The following ZAN variants were observed in gnomAD, a reference collection of about 807,000 sequenced individuals.
The protein encoded by ZAN is zonadhesin (gene/pseudogene).
ZAN carries 260 observed loss-of-function variants against 286.2 expected under a neutral mutation model. The observed-to-expected ratio is 0.91, with a 90% confidence interval of 0.82 to 1.01. ZAN has a LOEUF of 1.01. ZAN is among the 50% of genes least tolerant of loss of function. The pLI, the probability that ZAN is intolerant of heterozygous loss-of-function variation, is 0.00. For missense variants in ZAN, 3,410 were observed against 3,639.2 expected, an observed-to-expected ratio of 0.94 and a Z score of 1.62; for synonymous variants, 1,368 against 1,417.5, an observed-to-expected ratio of 0.97 and a Z score of 0.79.
chr7:100,773,649 C>A, intron 30 of ZAN, 72 bp from the exon 31 acceptor site: 2 of 1,560,228 alleles, frequency 1.3e-6, no homozygotes, highest in South Asian at 1.2e-5. Context: ...CTGCACCCAG[C>A]TTCAACTGGG....
intron 28 of ZAN, among the ~76,000 whole-genome samples, chr7:100,771,326 C>T (rs1023704142): frequency 1.3e-5 from 2 of 152,084 alleles, no homozygotes; most frequent in African/African-American, 4.8e-5. Flanking sequence ...CCTGCCTCAG[C>T]CTGCTGAGTA....
chr7:100,768,493 G>A, intron 26 of ZAN, 117 bp from the exon 27 acceptor site: 1 of 858,266 alleles, frequency 1.2e-6, no homozygotes, highest in Non-Finnish European at 1.8e-6. Context: ...AAAAGAGACA[G>A]AAAGGGTTAA....
chr7:100,770,724 AGCTCACTGCAG>A (rs756319238), intron 28 of ZAN, among the ~76,000 whole-genome samples: 92 of 151,938 alleles, frequency 6.1e-4, no homozygotes, highest in Admixed American at 1.8e-3. Context: ...GCACGATCAC[AGCTCACTGCAG>A]GCTTGAACTC....
intron 7 of ZAN, among the ~76,000 whole-genome samples, chr7:100,741,532 T>A: frequency 6.9e-5 from 2 of 29,132 alleles, no homozygotes; most frequent in East Asian, 1.6e-3. Context: ...CCCACCTCCC[T>A]CCCGGACGGG....
intron 45 of ZAN, among the ~76,000 whole-genome samples, chr7:100,796,940 C>T (rs1226596071): frequency 6.6e-6 from 1 of 152,018 alleles, no homozygotes; most frequent in African/African-American, 2.4e-5. Flanking sequence ...AGTTCAAGAC[C>T]AGCCTGGTAA....
chr7:100,756,918 G>A (rs1232506631), intron 15 of ZAN, among the ~76,000 whole-genome samples: 4 of 151,982 alleles, frequency 2.6e-5, no homozygotes, highest in African/African-American at 7.2e-5. Context: ...ACGGGCATGC[G>A]CCACCACGCC....
At position 100,790,995 on chromosome 7, in the gene ZAN, T is replaced by G. The variant is rs1811908820; in HGVS notation, c.7411T>G (p.Tyr2471Asp). ...EGLVSGLCGN[Y>D]DKNRKNDMML... ...GCTTGTGAGTGGCCTGTGCGGAAAC[T>G]ACGACAAGAACCGCAAGAATGACAT... The change falls in exon 40 of 48, where the codon TAC (tyrosine) becomes GAC (aspartate). Residue 2471 changes from tyrosine (Y) to aspartate (D), a missense_variant. Tyr to Asp is a radical substitution (Grantham distance 160). Coordinates refer to ENST00000613979, the MANE Select transcript of ZAN (RefSeq NM_003386.3). 6.2e-7 allele frequency: 1 copy of G among 1,611,102 alleles called. No individual in the cohort carries two copies. Among genetic ancestry groups the G allele is most frequent in the South Asian group, 1.1e-5 (1 of 90,586 alleles).
At chr7:100,773,101 A>C (rs1452645430) in intron 29 of ZAN, among the ~76,000 whole-genome samples, 184 bp from the exon 30 acceptor site, 1 of 151,670 alleles carries the variant, frequency 6.6e-6, no homozygotes, top group Non-Finnish European at 1.5e-5. Context: ...TCGGTTTTTC[A>C]CCATGTTGGC....
At chr7:100,756,009 C>G (rs1201778600) in intron 15 of ZAN, among the ~76,000 whole-genome samples, 2 of 152,148 alleles carry the variant, frequency 1.3e-5, no homozygotes, top group African/African-American at 2.4e-5. Context: ...TCTGCCTCAG[C>G]CCCGCAAGTA....
rs868793989 is a variant in ZAN at position 100,760,447 on chromosome 7, T to C, written c.3753T>C (p.Gly1251=). 1 of 1,613,928 alleles carries C rather than the reference T, an allele frequency of 6.2e-7. No individual in the cohort carries two copies. Among genetic ancestry groups the C allele is most frequent in the Non-Finnish European group, 8.5e-7 (1 of 1,179,876 alleles). ...PAIPSKGVFL[G]ASGRFVELQT... ...TACCCTCTAAAGGCGTCTTCCTGGG[T>C]GCAAGCGGGCGGTTTGTGGAGCTGC... Residue 1251 remains glycine (G), a synonymous_variant, in exon 19 of 48, where the codon GGT becomes GGC. Transcript: ENST00000613979.
intron 45 of ZAN, among the ~76,000 whole-genome samples, chr7:100,796,927 AG>A (rs1812400404): frequency 6.6e-6 from 1 of 152,124 alleles, no homozygotes; most frequent in African/African-American, 2.4e-5. Flanking sequence ...CACTTGAGCC[AG>A]GAGTTCAAGA....
intron 18 of ZAN, 62 bp downstream of exon 18, chr7:100,759,907 T>G (rs770198513): frequency 4.1e-5 from 64 of 1,565,464 alleles, no homozygotes; most frequent in Non-Finnish European, 5.1e-5. Context: ...GGCCAACCCT[T>G]CCAATCCCTG....
chr7:100,736,540 A>C lies in ZAN; in HGVS notation c.164A>C (p.Gln55Pro), dbSNP rs753953984. ...GCCAAACCCCTCTGTGACTGGTCCC[A>C]AGTGTCCGCAGACGATGAAGACTGG... ...DDAKPLCDWSQVSADDEDWVR... is the reference protein window; with the variant it reads ...DDAKPLCDWSPVSADDEDWVR... Residue 55 changes from glutamine (Q) to proline (P), a missense_variant, in exon 4 of 48, where the codon CAA (glutamine) becomes CCA (proline). By Grantham distance (76) the Gln-to-Pro change is moderately conservative. Coordinates refer to ENST00000613979, the MANE Select transcript of ZAN (RefSeq NM_003386.3). The C allele has an allele frequency of 1.6e-5, 25 of 1,523,526 alleles. 2 individuals carry two copies. Among genetic ancestry groups the C allele is most frequent in the Non-Finnish European group, 2.3e-5 (25 of 1,107,846 alleles). 94.4% of individuals were successfully genotyped at this position (1,523,526 alleles called of 1,614,324 possible).
At chr7:100,767,538 C>G (rs540591775) in intron 25 of ZAN, among the ~76,000 whole-genome samples, 2 of 132,244 alleles carry the variant, frequency 1.5e-5, no homozygotes, top group Non-Finnish European at 3.1e-5. Context: ...TGCAGTGGTG[C>G]GATCATAGCT....
At chr7:100,784,898 C>A in intron 36 of ZAN, 64 bp downstream of exon 36, 1 of 1,456,888 alleles carries the variant, frequency 6.9e-7, no homozygotes, top group Non-Finnish European at 9.1e-7. Context: ...TTCTCCTTTT[C>A]TCTGCCTCTC....
rs911007455 is a variant in ZAN at position 100,759,667 on chromosome 7, G to A, written c.3572-54G>A. 36 of 1,532,384 alleles carry A rather than the reference G, an allele frequency of 2.3e-5. No individual in the cohort carries two copies. The East Asian group carries it at 3.5e-4, about 15-fold the overall frequency. 94.9% of individuals were successfully genotyped at this position (1,532,384 alleles called of 1,614,324 possible). A position where few individuals can be genotyped will look rare whatever the true frequency, so the allele number is the denominator to read the frequency against. ...GCGCCAGGCTCAGGGCACTGCTCGC[G>A]GCAGATGTTCAGAAATGAGCCACTG... On this transcript the variant is annotated intron_variant, in intron 17 of 47. Transcript: ENST00000613979.
chr7:100,749,388 C>T (rs543029849), intron 11 of ZAN, among the ~76,000 whole-genome samples: 6 of 151,364 alleles, frequency 4.0e-5, no homozygotes, highest in Admixed American at 4.0e-4. Context: ...CACCTGTAAT[C>T]CCAGCACTTT....
At chr7:100,759,463 G>A (rs1337367708) in intron 17 of ZAN, among the ~76,000 whole-genome samples, 1 of 152,200 alleles carries the variant, frequency 6.6e-6, no homozygotes, top group Non-Finnish European at 1.5e-5. Flanking sequence ...AAAGAAGGCA[G>A]TGGTAGTGGT....
intron 11 of ZAN, among the ~76,000 whole-genome samples, chr7:100,750,141 C>CT (rs1298389421): frequency 6.7e-6 from 1 of 149,758 alleles, no homozygotes; most frequent in Non-Finnish European, 1.5e-5. Flanking sequence ...TTGTTATTCC[C>CT]TTTTTTTCTT....
Sources: gnomAD v4.1 joint callset for allele counts (sites outside exome capture counted in the v4.1 genomes callset) on GRCh38, gnomAD v4.1.1 for gene constraint, MANE v1.5 for transcripts, NCBI Gene and HGNC (gene_info 2026-07-23, HGNC 2026-07-21) for gene names.